Variants in GSDMB observed in about 807,000 individuals in gnomAD.
GSDMB encodes gasdermin-B.
GSDMB carries 32 observed loss-of-function variants against 42.9 expected under a neutral mutation model. The observed-to-expected ratio is 0.75, with a 90% CI of 0.56 to 1.00. The LOEUF (loss-of-function observed/expected upper bound fraction) is 1.00. Ranked by LOEUF, GSDMB falls within the 50% of genes least tolerant of loss-of-function variation. GSDMB has a pLI of 0.00. For missense variants in GSDMB, 468 were observed against 498.5 expected (o/e 0.94, Z 0.58); for synonymous variants, 175 against 193.7 (o/e 0.90, Z 0.80).
chr17:39,905,168 T>C (rs2063481971), intron 10 of GSDMB: 2 of 611,126 alleles, frequency 3.3e-6, no homozygotes, highest in Non-Finnish European at 5.8e-6. Context: ...GAACTCAAGA[T>C]CATACCAGCT....
chr17:39,912,544 A>G (rs371098173), intron 2 of GSDMB, 47 bp from the exon 3 acceptor site: 4 of 1,482,146 alleles, frequency 2.7e-6, no homozygotes, highest in Non-Finnish European at 3.8e-6. Context: ...CCCCCAAAAG[A>G]TCTCTCTCCA....
At chr17:39,907,558 G>C (rs112859937) in intron 6 of GSDMB, 2 of 141,226 alleles carry the variant, frequency 1.4e-5, no homozygotes, top group African/African-American at 5.2e-5. Flanking sequence ...ACAAAAAAAA[G>C]AAAAACAAAA....
intron 2 of GSDMB, among the ~76,000 whole-genome samples, chr17:39,912,900 G>A (rs2063638173): frequency 6.6e-6 from 1 of 152,180 alleles, no homozygotes; most frequent in Admixed American, 6.5e-5. Flanking sequence ...GAGGTCAGGA[G>A]TTCGAGACCA....
intron 2 of GSDMB, among the ~76,000 whole-genome samples, chr17:39,915,611 T>C (rs2063696093): frequency 6.6e-6 from 1 of 152,160 alleles, no homozygotes; most frequent in Non-Finnish European, 1.5e-5. Flanking sequence ...GATTTTTTTT[T>C]TTTTTTTTGA....
chr17:39,914,365 G>GA (rs1261259040), intron 2 of GSDMB, among the ~76,000 whole-genome samples: 1 of 152,190 alleles, frequency 6.6e-6, no homozygotes, highest in African/African-American at 2.4e-5. Context: ...TAAAGTCTGA[G>GA]AAACTGTCAC....
intron 2 of GSDMB, among the ~76,000 whole-genome samples, chr17:39,914,717 G>A (rs1224238116): frequency 8.5e-5 from 12 of 141,740 alleles, no homozygotes; most frequent in African/African-American, 2.2e-4. Context: ...AGCCGAGATC[G>A]CGCCACTGCT....
rs1191780738 is a variant in GSDMB, at chr17:39,908,865, A to G, written c.661+93T>C. On this transcript the variant is annotated intron_variant, in intron 5 of 10. Transcript: ENST00000418519. ...CAACCTCCAAGCTCACCAGCCACCC[A>G]CCCTAGGCTGACAGAGCCTGGTTGA... 4.9e-6 allele frequency: 4 copies of G among 814,582 alleles called. No individual in the cohort carries two copies. The African/African-American group carries it at 7.1e-5, about 14-fold the overall frequency. 50.5% of individuals were successfully genotyped at this position (814,582 alleles called of 1,614,324 possible).
At chr17:39,908,823 T>C in intron 5 of GSDMB, 135 bp downstream of exon 5, 5 of 692,510 alleles carry the variant, frequency 7.2e-6, no homozygotes, top group Non-Finnish European at 1.0e-5. Context: ...ACCCACCCTT[T>C]TCCCTGGACC....
intron 9 of GSDMB, 123 bp downstream of exon 9, chr17:39,905,724 G>C: frequency 8.7e-7 from 1 of 1,148,600 alleles, no homozygotes; most frequent in East Asian, 2.3e-5. Context: ...AGGAAGACAT[G>C]AAGGAGTGCC....
intron 7 of GSDMB, 61 bp from the exon 8 acceptor site, chr17:39,906,332 T>C (rs2063505019): frequency 1.3e-6 from 2 of 1,525,984 alleles, no homozygotes; most frequent in South Asian, 2.3e-5. Flanking sequence ...TTTCTAAGGC[T>C]CTGTTATTTG....
chr17:39,914,958 TC>T (rs1336168588), intron 2 of GSDMB, among the ~76,000 whole-genome samples: 1 of 151,700 alleles, frequency 6.6e-6, no homozygotes, highest in Admixed American at 6.6e-5. Flanking sequence ...TGCCTCAGCC[TC>T]CCGAGTAGCT....
chr17:39,914,430 T>C (rs2063669315), intron 2 of GSDMB, among the ~76,000 whole-genome samples: 1 of 152,108 alleles, frequency 6.6e-6, no homozygotes, highest in Non-Finnish European at 1.5e-5. Context: ...GGATCCTGGA[T>C]GGGATTCTGG....
At chr17:39,912,198 T>A in intron 3 of GSDMB, 128 bp downstream of exon 3, 2 of 669,688 alleles carry the variant, frequency 3.0e-6, no homozygotes, top group East Asian at 2.8e-5. Flanking sequence ...ACAAAGCTCA[T>A]GAAAAGCAGG....
chr17:39,917,564 C>T (rs946358066), intron 1 of GSDMB: 83 of 460,426 alleles, frequency 1.8e-4, no homozygotes, highest in South Asian at 1.7e-3. Flanking sequence ...TCCTGCCCCA[C>T]CCTGATACAA....
At chr17:39,917,358 T>G in intron 1 of GSDMB, 28 bp from the exon 2 acceptor site, 5 of 1,324,116 alleles carry the variant, frequency 3.8e-6, no homozygotes, top group East Asian at 2.3e-5. Context: ...ATTTCAGTTT[T>G]TGGGAGGAGG....
At chr17:39,916,608 C>T (rs1451839374) in intron 2 of GSDMB, among the ~76,000 whole-genome samples, 1 of 152,022 alleles carries the variant, frequency 6.6e-6, no homozygotes, top group African/African-American at 2.4e-5. Flanking sequence ...ATTCTTACAA[C>T]AGTCCTCTAG....
At chr17:39,914,830 A>C (rs1328238087) in intron 2 of GSDMB, among the ~76,000 whole-genome samples, 2 of 92,934 alleles carry the variant, frequency 2.2e-5, no homozygotes, top group Non-Finnish European at 2.1e-5. Flanking sequence ...AATCCTATGC[A>C]CACTTTTTTT....
chr17:39,908,396 T>C (rs1006779840), intron 5 of GSDMB, among the ~76,000 whole-genome samples, 182 bp from the exon 6 acceptor site: 6 of 151,540 alleles, frequency 4.0e-5, no homozygotes, highest in Admixed American at 3.3e-4. Flanking sequence ...TTTTTGTTTT[T>C]GAGATGGAGT....
At chr17:39,906,552 G>T (rs533885652) in intron 7 of GSDMB, 1 of 1,355,492 alleles carries the variant, frequency 7.4e-7, no homozygotes, top group East Asian at 2.9e-5. Context: ...TTGGTTATTT[G>T]GCCCTTGCCA....
Sources: allele counts gnomAD v4.1 joint callset (sites outside exome capture counted in the v4.1 genomes callset), GRCh38; gene constraint gnomAD v4.1.1; transcripts MANE v1.5; gene names NCBI Gene and HGNC (gene_info 2026-07-23, HGNC 2026-07-21).